Variants in NOTCH3 observed in about 807,000 individuals in gnomAD.
The protein encoded by NOTCH3 is neurogenic locus notch homolog protein 3.
NOTCH3 carries 86 observed loss-of-function variants against 213.3 expected under a neutral mutation model. The ratio of observed to expected loss-of-function variants is 0.40; its 90% CI spans 0.34 to 0.48. NOTCH3 has a LOEUF of 0.48. Among genes scored for constraint, NOTCH3 ranks in the 20% least tolerant of loss-of-function variants. The pLI, the probability that NOTCH3 is intolerant of heterozygous loss-of-function variation, is 0.57. For synonymous variants in NOTCH3, 1,354 were observed against 1,355.9 expected (o/e 1.00, Z 0.03); for missense variants, 2,783 against 3,272.6 (o/e 0.85, Z 3.65).
intron 2 of NOTCH3, among the ~76,000 whole-genome samples, chr19:15,193,284 T>C (rs559998088): frequency 2.0e-5 from 3 of 151,472 alleles, no homozygotes; most frequent in Non-Finnish European, 4.4e-5. Context: ...TCACCCAGGC[T>C]GCAGTGCAGT....
At chr19:15,171,872 G>A (rs1226096835) in intron 25 of NOTCH3, among the ~76,000 whole-genome samples, 1 of 151,734 alleles carries the variant, frequency 6.6e-6, no homozygotes, top group Non-Finnish European at 1.5e-5. Context: ...GTTTCACCGT[G>A]TTGGCCAGGA....
chr19:15,185,827 C>A lies in NOTCH3; in HGVS notation c.1952-148G>T. 1.3e-6 allele frequency: 1 copy of A among 771,806 alleles called. No homozygotes were observed. 47.8% of individuals were successfully genotyped at this position (771,806 alleles called of 1,614,324 possible). ...CAGCTCTTGTGCAGATTAGGACACC[C>A]GCCTCCTCAACCAAGAGCTGACTTG... On this transcript the variant is annotated intron_variant, in intron 12 of 32. Transcript: ENST00000263388. The surrounding 1 kb of genome is among the most constrained non-coding windows in gnomAD (Gnocchi z 4.2).
In NOTCH3 at chr19:15,197,515, C is replaced by T. The variant is rs1222763947; in HGVS notation, c.182G>A (p.Arg61Gln). 1.6e-5 allele frequency: 26 copies of T among 1,610,984 alleles called. No homozygotes were observed. Among genetic ancestry groups the T allele is most frequent in the East Asian group, 2.2e-5 (1 of 44,796 alleles). The change falls in exon 2 of 33, where the codon CGG becomes CAG. Residue 61 changes from arginine to glutamine, a missense_variant. Around this residue, in one of 6 missense-constraint regions of NOTCH3, gnomAD observed 708 missense variants for 906.6 expected, o/e 0.78. Coordinates refer to ENST00000263388, the MANE Select transcript of NOTCH3 (RefSeq NM_000435.3). ...AGGCACTCACAGGCAGGCAGCCTCC[C>T]GGGAGGGCAGCTGGGTGCAACGACC... Reference protein sequence around the residue: ...NGGRCTQLPSREAACLCPPGW... With the variant: ...NGGRCTQLPSQEAACLCPPGW...
chr19:15,159,482 C>A lies in NOTCH3; in HGVS notation c.*1180G>T. Reference sequence around the variant, plus strand: ...GTCAGGTGACAACCACTAATCCAATCGGTAGTCATCTGCCAAAAGAGGAAG... The same window carrying A: ...GTCAGGTGACAACCACTAATCCAATAGGTAGTCATCTGCCAAAAGAGGAAG... On this transcript the variant is annotated 3_prime_UTR_variant, in exon 33 of 33. Transcript: ENST00000263388. 5.2e-6 allele frequency: 1 copy of A among 192,436 alleles called. No homozygotes were observed. The allele number at this position is 192,436 out of a possible 1,614,324, so 11.9% of individuals were successfully genotyped here.
At position 15,184,297 on chromosome 19, in the gene NOTCH3, G is replaced by A; in HGVS notation, c.2564C>T (p.Pro855Leu). 6.2e-7 allele frequency: 1 copy of A among 1,613,876 alleles called. No homozygotes were observed. Among genetic ancestry groups the A allele is most frequent in the Non-Finnish European group, 8.5e-7 (1 of 1,179,980 alleles). ...CCCAAGAGCTCCCCTGCACTCACTG[G>A]GGTCACAGTCATTGATGTCCTGATC... Reference protein sequence around the residue: ...SCDQDINDCDPNPCLNGGSCQ... With the variant: ...SCDQDINDCDLNPCLNGGSCQ... Residue 855 changes from proline to leucine, a missense_variant and splice_region_variant, in exon 16 of 33, where the codon CCC becomes CTC. Coordinates refer to ENST00000263388, the MANE Select transcript of NOTCH3 (RefSeq NM_000435.3).
At position 15,200,968 on chromosome 19, in the gene NOTCH3, A is replaced by G. The variant is rs986966303; in HGVS notation, c.-63T>C. On this transcript the variant is annotated 5_prime_UTR_variant, in exon 1 of 33. Transcript: ENST00000263388. ...CTGGGCTCCGGGCGCGTCCCGGGCC[A>G]GCCTCCGCGCCGCCAACTTCGCCGA... The G allele has an allele frequency of 5.0e-6, 1 of 201,550 alleles. No individual in the cohort carries two copies. The highest frequency in any genetic ancestry group is 2.5e-5 in the African/African-American group (1 of 40,360). The allele number at this position is 201,550 out of a possible 1,614,324, so 12.5% of individuals were successfully genotyped here.
At position 15,197,573 on chromosome 19, in the gene NOTCH3, G is replaced by C. The variant is rs372995747; in HGVS notation, c.124C>G (p.Pro42Ala). ...LLAGPGAAAP[P>A]CLDGSPCANG... ...GCACACGGGCTTCCGTCCAGGCAAG[G>C]GGGGGCTGTGTGGGGGTGAAGGAAG... The change falls in exon 2 of 33, where the codon CCT becomes GCT. Residue 42 changes from proline to alanine, a missense_variant. Pro to Ala is a conservative substitution (Grantham distance 27, BLOSUM62 -1). Around this residue, in one of 6 missense-constraint regions of NOTCH3, gnomAD observed 708 missense variants for 906.6 expected, o/e 0.78. Transcript: ENST00000263388. 72 of 1,611,476 alleles carry C rather than the reference G, an allele frequency of 4.5e-5. No homozygotes were observed. Among genetic ancestry groups the C allele is most frequent in the South Asian group, 1.1e-4 (10 of 90,906 alleles).
chr19:15,183,291 A>G (rs1468857801), intron 16 of NOTCH3, among the ~76,000 whole-genome samples: 1 of 152,154 alleles, frequency 6.6e-6, no homozygotes, highest in Non-Finnish European at 1.5e-5. Flanking sequence ...TAAATTTAAT[A>G]TCTCCCATTT....
At chr19:15,171,622 C>T (rs923462716) in intron 25 of NOTCH3, among the ~76,000 whole-genome samples, 11 of 151,570 alleles carry the variant, frequency 7.3e-5, no homozygotes, top group Admixed American at 7.2e-4. Flanking sequence ...CTCAGCCTCC[C>T]AATGTGCTGG....
rs374875084 is a variant in NOTCH3, at chr19:15,166,078, C to T, written c.5376G>A (p.Pro1792=). The part of the protein sequence containing the change: ...VNVRGPDGFT[P]LMLASFCGGA... ...CCCCACAGAAGGAAGCCAGCATTAG[C>T]GGGGTGAAGCCATCTGCAGGGACAG... Residue 1792 remains proline, a synonymous_variant, in exon 30 of 33, where the codon CCG becomes CCA. Coordinates refer to ENST00000263388, the MANE Select transcript of NOTCH3 (RefSeq NM_000435.3). 8.1e-5 allele frequency: 131 copies of T among 1,614,068 alleles called. No individual in the cohort carries two copies. Among genetic ancestry groups the T allele is most frequent in the Middle Eastern group, 3.3e-4 (2 of 6,062 alleles).
chr19:15,170,058 G>A, intron 28 of NOTCH3, 28 bp downstream of exon 28: 1 of 1,384,752 alleles, frequency 7.2e-7, no homozygotes, highest in South Asian at 1.2e-5. Flanking sequence ...GTCAGAGGAG[G>A]GGGCAAAGGT....
rs758559364 is a variant in NOTCH3, at chr19:15,188,314, G to A, written c.1413C>T (p.Asp471=). ...TGACACAGGGGCTACTCTGACACTC[G>A]TCAATGTCCACCTCGCAATAGGTTC... ...FTGTYCEVDI[D]ECQSSPCVNG... is the part of the protein sequence containing the mutation. Residue 471 remains aspartate, a synonymous_variant, in exon 9 of 33, where the codon GAC becomes GAT. Transcript: ENST00000263388. 3 of 1,604,984 alleles carry A rather than the reference G, an allele frequency of 1.9e-6. No homozygotes were observed. The highest frequency in any genetic ancestry group is 2.2e-5 in the South Asian group (2 of 89,210).
rs188708636 is a variant in NOTCH3 at position 15,182,444 on chromosome 19, C to T, written c.2567-643G>A. Reference sequence around the variant, plus strand: ...ATCACTTGAGCCTGGGAGGTCAAGGCTGCAGTGAGTCATGATCGCACCACT... The same window carrying T: ...ATCACTTGAGCCTGGGAGGTCAAGGTTGCAGTGAGTCATGATCGCACCACT... On this transcript the variant is annotated intron_variant, in intron 16 of 32. Coordinates refer to ENST00000263388, the MANE Select transcript of NOTCH3 (RefSeq NM_000435.3). 2.6e-3 allele frequency among the ~76,000 whole-genome samples: 395 copies of T among 151,488 alleles called. 3 individuals carry two copies. Among genetic ancestry groups the T allele is most frequent in the African/African-American group, 9.0e-3 (370 of 41,300 alleles).
At position 15,170,553 on chromosome 19, in the gene NOTCH3, C is replaced by T. The variant is rs1487491390; in HGVS notation, c.4892G>A (p.Gly1631Glu). 6.2e-7 allele frequency: 1 copy of T among 1,608,440 alleles called. No homozygotes were observed. The highest frequency in any genetic ancestry group is 1.3e-5 in the African/African-American group (1 of 74,992). Residue 1631 changes from glycine (G) to glutamate (E), a missense_variant and splice_region_variant, in exon 27 of 33, where the codon GGG becomes GAG. By Grantham distance (98) the Gly-to-Glu change is moderately conservative. Coordinates refer to ENST00000263388, the MANE Select transcript of NOTCH3 (RefSeq NM_000435.3). Reference sequence around the variant, plus strand: ...GGGTTCTGGAGGCTCCAGCGGCTCCCCTAAGAGCAGGAAGCAGAGGGCGGG... The same window carrying T: ...GGGTTCTGGAGGCTCCAGCGGCTCCTCTAAGAGCAGGAAGCAGAGGGCGGG... The part of the protein sequence containing the change: ...DFPYPLRDVR[G>E]EPLEPPEPSV...
intron 2 of NOTCH3, among the ~76,000 whole-genome samples, chr19:15,193,141 G>A (rs2046943221): frequency 1.3e-5 from 2 of 152,154 alleles, no homozygotes; most frequent in South Asian, 4.1e-4. Context: ...CATGAAGGAT[G>A]TAGTCAGTTG....
At chr19:15,172,115 T>C (rs12972520) in intron 25 of NOTCH3, among the ~76,000 whole-genome samples, 137,137 of 152,156 alleles carry the variant, frequency 0.9, 62,125 homozygotes, top group African/African-American at 0.97. Flanking sequence ...AGGCTGGTCT[T>C]GAACTCCCGA....
Position 15,192,493 on chromosome 19 carries a change from C to T in NOTCH3, c.224G>A (p.Arg75Gln), listed in dbSNP as rs145069047. The T allele has an allele frequency of 8.6e-5, 137 of 1,600,174 alleles. No homozygotes were observed. The East Asian group carries it at 1.2e-3, about 15-fold the overall frequency. The change falls in exon 3 of 33, where the codon CGG becomes CAG. Residue 75 changes from arginine (R) to glutamine (Q), a missense_variant. By Grantham distance (43) the Arg-to-Gln change is conservative (BLOSUM62 1). Coordinates refer to ENST00000263388, the MANE Select transcript of NOTCH3 (RefSeq NM_000435.3). Reference protein sequence around the residue: ...CLCPPGWVGERCQLEDPCHSG... With the variant: ...CLCPPGWVGEQCQLEDPCHSG... ...GTGACAGGGGTCCTCCAGCTGACAC[C>T]GCTCACCCACCCAGCCAGGCGGGCA...
rs2145429225 is a variant in NOTCH3 at position 15,185,216 on chromosome 19, A to G, written c.2296+41T>C. The G allele has an allele frequency of 6.2e-7, 1 of 1,609,042 alleles. No individual in the cohort carries two copies. Among genetic ancestry groups the G allele is most frequent in the Non-Finnish European group, 8.5e-7 (1 of 1,176,590 alleles). On this transcript the variant is annotated intron_variant, in intron 14 of 32. Transcript: ENST00000263388. The surrounding 1 kb of genome is among the most constrained non-coding windows in gnomAD (Gnocchi z 4.2). ...GAGGAGAAGAGAGATGAGAAGGCCCATGGTGTTGGTGGGGCTGCAGAGGGA... is the reference window on the plus strand; with the variant it reads ...GAGGAGAAGAGAGATGAGAAGGCCCGTGGTGTTGGTGGGGCTGCAGAGGGA...
In NOTCH3 at chr19:15,191,519, T is replaced by C; in HGVS notation, c.941A>G (p.Asn314Ser). The C allele has an allele frequency of 6.2e-7, 1 of 1,613,298 alleles. No homozygotes were observed. The highest frequency in any genetic ancestry group is 1.1e-5 in the South Asian group (1 of 91,080). Reference protein sequence around the residue: ...NGWTGESCSQNIDDCATAVCF... With the variant: ...NGWTGESCSQSIDDCATAVCF... ...CACGGCTGTGGCACAGTCATCGATA[T>C]TCTGACTGCAGCTCTCGCCTGTCCA... Residue 314 changes from asparagine to serine, a missense_variant, in exon 6 of 33, where the codon AAT (asparagine) becomes AGT (serine). Physicochemically the swap from Asn to Ser is conservative, Grantham distance 46 (BLOSUM62 1). Coordinates refer to ENST00000263388, the MANE Select transcript of NOTCH3 (RefSeq NM_000435.3).
Sources: gnomAD v4.1 joint callset for allele counts (sites outside exome capture counted in the v4.1 genomes callset) on GRCh38, gnomAD v4.1.1 for gene constraint, gnomAD v4.1.1 regional missense constraint, Gnocchi (gnomAD v3.1) non-coding constraint, MANE v1.5 for transcripts, NCBI Gene and HGNC (gene_info 2026-07-23, HGNC 2026-07-21) for gene names.